The following NSF variants were observed in gnomAD, a reference collection of about 807,000 sequenced individuals.
NSF encodes the protein N-ethylmaleimide sensitive factor, vesicle fusing ATPase, also known as vesicle-fusing ATPase.
NSF carries 14 observed loss-of-function variants against 50.3 expected under a neutral mutation model. The observed-to-expected ratio is 0.28, with a 90% CI of 0.18 to 0.44. NSF has a LOEUF of 0.44. Ranked by LOEUF, NSF falls within the 20% of genes least tolerant of loss-of-function variation. The pLI is 1.00. For synonymous variants in NSF, 109 were observed against 175.7 expected, an observed-to-expected ratio of 0.62 and a Z score of 3.00; for missense variants, 218 against 504.3, an observed-to-expected ratio of 0.43 and a Z score of 5.44.
At chr17:46,657,970 AT>A (rs200879873) in intron 8 of NSF, among the ~76,000 whole-genome samples, 4 of 14,900 alleles carry the variant, frequency 2.7e-4, no homozygotes, top group Admixed American at 1.2e-3. Flanking sequence ...TATTTTATTT[AT>A]TTTTTTTTTT....
intron 17 of NSF, among the ~76,000 whole-genome samples, chr17:46,733,590 T>C (rs1019425608): frequency 6.6e-6 from 1 of 152,218 alleles, no homozygotes; most frequent in African/African-American, 2.4e-5. Flanking sequence ...CCAACCTTTT[T>C]AGATTATGGT....
intron 17 of NSF, among the ~76,000 whole-genome samples, chr17:46,739,098 G>A (rs900091545): frequency 1.1e-4 from 16 of 150,694 alleles, no homozygotes; most frequent in Non-Finnish European, 2.2e-4. Context: ...GTCCAGGCAC[G>A]GTGGCTCACA....
chr17:46,740,662 CTTTTTTT>C (rs36000135), intron 17 of NSF, among the ~76,000 whole-genome samples: 5 of 137,144 alleles, frequency 3.6e-5, no homozygotes, highest in Non-Finnish European at 8.0e-5. Flanking sequence ...TTATCTTTTT[CTTTTTTT>C]TTTTTTTTGG....
At chr17:46,714,051 T>C in intron 15 of NSF, 65 bp downstream of exon 15, 1 of 1,485,342 alleles carries the variant, frequency 6.7e-7, no homozygotes, top group South Asian at 1.3e-5. Flanking sequence ...TGCACATATA[T>C]ATGCCTTTGT....
chr17:46,627,481 C>T (rs1160163075), intron 3 of NSF, among the ~76,000 whole-genome samples: 1 of 139,142 alleles, frequency 7.2e-6, no homozygotes, highest in African/African-American at 2.7e-5. Flanking sequence ...TTGATGGATT[C>T]TGTAGAATCC....
intron 17 of NSF, among the ~76,000 whole-genome samples, chr17:46,747,728 G>T (rs2059145024): frequency 6.6e-6 from 1 of 152,172 alleles, no homozygotes; most frequent in African/African-American, 2.4e-5. Flanking sequence ...GTATTAGAAA[G>T]AGAAAGAAAT....
At chr17:46,712,508 G>C (rs1375704104) in intron 14 of NSF, among the ~76,000 whole-genome samples, 1 of 152,170 alleles carries the variant, frequency 6.6e-6, no homozygotes, top group East Asian at 1.9e-4. Flanking sequence ...GAACACTAAT[G>C]GAAAGCAGAT....
chr17:46,718,790 A>G (rs2058799670), intron 15 of NSF, among the ~76,000 whole-genome samples: 2 of 152,208 alleles, frequency 1.3e-5, no homozygotes, highest in Non-Finnish European at 1.5e-5. Flanking sequence ...TAATTTCTGT[A>G]AAGTGTCACA....
chr17:46,631,038 C>T (rs1351155148), intron 4 of NSF, among the ~76,000 whole-genome samples: 1 of 139,212 alleles, frequency 7.2e-6, no homozygotes, highest in Non-Finnish European at 1.5e-5. Flanking sequence ...CTGTCTTCCT[C>T]TCTGGGTCTC....
chr17:46,734,228 G>A (rs1357083219), intron 17 of NSF, among the ~76,000 whole-genome samples: 2 of 152,140 alleles, frequency 1.3e-5, no homozygotes, highest in Admixed American at 6.6e-5. Flanking sequence ...GCCTAAACAT[G>A]AGTATCTCTC....
chr17:46,754,149 CTT>C, intron 19 of NSF, among the ~76,000 whole-genome samples: 1 of 134,038 alleles, frequency 7.5e-6, no homozygotes, highest in African/African-American at 2.8e-5. Context: ...CCAGCCAGTT[CTT>C]TTTTTTTTTT....
Position 46,710,886 on chromosome 17 carries a change from G to A in NSF, c.1471-77G>A, listed in dbSNP as rs543224175. On this transcript the variant is annotated intron_variant, in intron 13 of 20. Coordinates refer to ENST00000398238, the MANE Select transcript of NSF (RefSeq NM_006178.4). ...AGTGATCAATACCTTTAGCATGTAC[G>A]GATTATAACTCGTCTTTTATACTGT... 64 of 1,307,298 alleles carry A rather than the reference G, an allele frequency of 4.9e-5. 1 individual carries two copies. Among genetic ancestry groups the A allele is most frequent in the South Asian group, 4.9e-4 (34 of 70,072 alleles). The allele number at this position is 1,307,298 out of a possible 1,614,324, so 81.0% of individuals were successfully genotyped here.
intron 12 of NSF, among the ~76,000 whole-genome samples, chr17:46,696,120 T>TTACC (rs1302774168): frequency 1.8e-5 from 2 of 110,572 alleles, no homozygotes; most frequent in Non-Finnish European, 3.3e-5. Flanking sequence ...TCCTCTACGT[T>TTACC]TACCTGTCTT....
At chr17:46,720,043 G>A (rs2058812693) in intron 15 of NSF, among the ~76,000 whole-genome samples, 2 of 152,184 alleles carry the variant, frequency 1.3e-5, no homozygotes, top group South Asian at 2.1e-4. Flanking sequence ...AGTCTGCACA[G>A]AACAGAATCG....
intron 18 of NSF, 48 bp downstream of exon 18, chr17:46,749,955 AG>A: frequency 6.3e-7 from 1 of 1,592,376 alleles, no homozygotes; most frequent in African/African-American, 1.3e-5. Context: ...AAAGGAATTG[AG>A]GCTGAAATAA....
chr17:46,699,431 T>G (rs2146242965), intron 12 of NSF, among the ~76,000 whole-genome samples: 1 of 152,290 alleles, frequency 6.6e-6, no homozygotes, highest in Middle Eastern at 3.4e-3. Context: ...ACACACACTT[T>G]CTCTCACATA....
At chr17:46,732,903 G>C (rs2058964345) in intron 17 of NSF, among the ~76,000 whole-genome samples, 1 of 152,188 alleles carries the variant, frequency 6.6e-6, no homozygotes, top group African/African-American at 2.4e-5. Flanking sequence ...CTCCCAGCCT[G>C]CTTCATCTAC....
intron 16 of NSF, among the ~76,000 whole-genome samples, chr17:46,728,131 A>G (rs1212560273): frequency 6.6e-6 from 1 of 152,220 alleles, no homozygotes; most frequent in East Asian, 1.9e-4. Context: ...TGCAGTATGC[A>G]GAGAAAGCTA....
At chr17:46,748,244 T>C (rs928999246) in intron 17 of NSF, among the ~76,000 whole-genome samples, 2 of 152,112 alleles carry the variant, frequency 1.3e-5, no homozygotes, top group Admixed American at 1.3e-4. Context: ...CCCAAGTAGC[T>C]GGGATTACAG....
Sources: gnomAD v4.1 joint callset for allele counts (sites outside exome capture counted in the v4.1 genomes callset) on GRCh38, gnomAD v4.1.1 for gene constraint, MANE v1.5 for transcripts, NCBI Gene and HGNC (gene_info 2026-07-23, HGNC 2026-07-21) for gene names.